Variants in NPSR1 observed in about 807,000 individuals in gnomAD.
The protein encoded by NPSR1 is neuropeptide S receptor.
A neutral mutation model predicts 46.9 loss-of-function variants in NPSR1; 48 were observed. That is an observed-to-expected ratio of 1.02 (90% confidence interval 0.81 to 1.30). The LOEUF (loss-of-function observed/expected upper bound fraction) is 1.30, where lower values mean the gene tolerates loss of function less well. Among genes scored for constraint, NPSR1 ranks in the 50% most tolerant of loss-of-function variants. The probability of loss-of-function intolerance (pLI) is 0.00; values close to 1 mark genes in which losing one functional copy is unlikely to be tolerated. For synonymous variants in NPSR1, 176 were observed against 168.1 expected (o/e 1.05, Z -0.36); for missense variants, 450 against 449.5 (o/e 1.00, Z -0.01).
intron 5 of NPSR1, among the ~76,000 whole-genome samples, chr7:34,829,673 A>G (rs1019568814): frequency 1.3e-5 from 2 of 152,180 alleles, no homozygotes; most frequent in Non-Finnish European, 2.9e-5. Context: ...GTTATCCTGT[A>G]TCTATGATTT....
chr7:34,745,415 A>G (rs1785152633), intron 2 of NPSR1, among the ~76,000 whole-genome samples: 1 of 152,062 alleles, frequency 6.6e-6, no homozygotes, highest in Admixed American at 6.6e-5. Flanking sequence ...TTATTTTTTC[A>G]TTTCTAAAAG....
intron 8 of NPSR1, among the ~76,000 whole-genome samples, chr7:34,857,699 T>G (rs1365970638): frequency 6.6e-6 from 1 of 151,660 alleles, no homozygotes; most frequent in Non-Finnish European, 1.5e-5. Context: ...TATTGATACA[T>G]TTAATTATTT....
intron 2 of NPSR1, among the ~76,000 whole-genome samples, chr7:34,700,691 TTA>T (rs1370765811): frequency 1.3e-5 from 2 of 152,224 alleles, no homozygotes; most frequent in African/African-American, 4.8e-5. Context: ...TGCCAGTGTT[TTA>T]TGTTATTCAG....
intron 2 of NPSR1, among the ~76,000 whole-genome samples, chr7:34,775,496 A>T (rs906598411): frequency 6.6e-6 from 1 of 152,094 alleles, no homozygotes; most frequent in African/African-American, 2.4e-5. Flanking sequence ...AAGACATTTT[A>T]TTATAAGTTC....
chr7:34,831,024 CTT>C (rs2128758064), intron 5 of NPSR1, among the ~76,000 whole-genome samples: 1 of 152,270 alleles, frequency 6.6e-6, no homozygotes, highest in Admixed American at 6.5e-5. Context: ...TAGAGCTTCC[CTT>C]GCCAACCCTG....
chr7:34,705,737 G>A (rs1319930623), intron 2 of NPSR1, among the ~76,000 whole-genome samples: 2 of 151,904 alleles, frequency 1.3e-5, no homozygotes, highest in Non-Finnish European at 2.9e-5. Flanking sequence ...GCCAAGCACC[G>A]AACTAAGCAT....
At chr7:34,852,582 T>C (rs1256307132), downstream of NPSR1, among the ~76,000 whole-genome samples, 1 of 152,140 alleles carries the variant, frequency 6.6e-6, no homozygotes, top group African/African-American at 2.4e-5. Context: ...GACTTAATGC[T>C]GAGTCATTTG....
intron 5 of NPSR1, 47 bp downstream of exon 5, chr7:34,827,649 G>A (rs1452940033): frequency 1.4e-6 from 1 of 718,306 alleles, no homozygotes; most frequent in East Asian, 4.6e-5. Flanking sequence ...GGGGCGGGGG[G>A]GGCTTTCCTG....
chr7:34,696,416 A>C (rs1793532454), intron 2 of NPSR1, among the ~76,000 whole-genome samples: 1 of 152,102 alleles, frequency 6.6e-6, no homozygotes, highest in African/African-American at 2.4e-5. Flanking sequence ...ACTAGTTACA[A>C]TATGTTACAA....
At position 34,658,409 on chromosome 7, in the gene NPSR1, A is replaced by G. The variant is rs761552928; in HGVS notation, c.-4A>G. 4 of 1,613,574 alleles carry G rather than the reference A, an allele frequency of 2.5e-6. No homozygotes were observed. Among genetic ancestry groups the G allele is most frequent in the East Asian group, 2.2e-5 (1 of 44,888 alleles). ...GGACAGTGAGGCTCAACCCCGCCTG[A>G]GCCATGCCAGCCAACTTCACAGAGG... is the stretch of plus-strand genomic sequence containing the variant. On this transcript the variant is annotated 5_prime_UTR_variant, in exon 1 of 9. Coordinates refer to ENST00000360581, the MANE Select transcript of NPSR1 (RefSeq NM_207172.2).
intron 3 of NPSR1, among the ~76,000 whole-genome samples, chr7:34,806,059 G>A (rs1788685923): frequency 6.6e-6 from 1 of 151,976 alleles, no homozygotes; most frequent in Admixed American, 6.6e-5. Context: ...ATATTAACAG[G>A]AACTTTCATT....
intron 1 of NPSR1, among the ~76,000 whole-genome samples, chr7:34,670,226 C>A (rs1791979917): frequency 1.3e-5 from 2 of 152,020 alleles, no homozygotes; most frequent in African/African-American, 2.4e-5. Flanking sequence ...AAATGTATAT[C>A]CACAGTAAGC....
At chr7:34,774,536 T>A (rs935820212) in intron 2 of NPSR1, among the ~76,000 whole-genome samples, 2 of 152,226 alleles carry the variant, frequency 1.3e-5, no homozygotes, top group Admixed American at 6.5e-5. Context: ...TATCAGCTGT[T>A]CCATCTTGAC....
At chr7:34,871,326 C>G (rs1791448054) in intron 8 of NPSR1, among the ~76,000 whole-genome samples, 3 of 151,746 alleles carry the variant, frequency 2.0e-5, no homozygotes, top group South Asian at 4.2e-4. Flanking sequence ...GGGGCTAAGA[C>G]AGTCAGGAGG....
At chr7:34,752,940 A>G (rs1159680950) in intron 2 of NPSR1, among the ~76,000 whole-genome samples, 1 of 152,162 alleles carries the variant, frequency 6.6e-6, no homozygotes, top group East Asian at 1.9e-4. Flanking sequence ...CCTCTTTTGG[A>G]CAAATATCGT....
chr7:34,743,766 T>G (rs73325832), intron 2 of NPSR1, among the ~76,000 whole-genome samples: 1 of 152,144 alleles, frequency 6.6e-6, no homozygotes, highest in Non-Finnish European at 1.5e-5. Flanking sequence ...GATTTCTTTT[T>G]GGGCAACTGT....
intron 8 of NPSR1, among the ~76,000 whole-genome samples, chr7:34,855,682 A>G (rs1322368880): frequency 6.6e-6 from 1 of 152,174 alleles, no homozygotes; most frequent in African/African-American, 2.4e-5. Context: ...AGGCTAAAAA[A>G]ACCTCAATAT....
At chr7:34,662,581 C>T (rs1439736527) in intron 1 of NPSR1, among the ~76,000 whole-genome samples, 1 of 152,082 alleles carries the variant, frequency 6.6e-6, no homozygotes, top group African/African-American at 2.4e-5. Context: ...ATTTTTTATT[C>T]TTTTCTAATT....
chr7:34,774,398 G>T (rs1786845868), intron 2 of NPSR1, among the ~76,000 whole-genome samples: 2 of 152,170 alleles, frequency 1.3e-5, no homozygotes, highest in African/African-American at 4.8e-5. Flanking sequence ...TCCCATATGG[G>T]TTTGATCCCA....
Sources: gnomAD v4.1 joint callset for allele counts (sites outside exome capture counted in the v4.1 genomes callset) on GRCh38, gnomAD v4.1.1 for gene constraint, MANE v1.5 for transcripts, NCBI Gene and HGNC (gene_info 2026-07-23, HGNC 2026-07-21) for gene names.